ENOX2: variants seen among roughly 807,000 people sequenced by gnomAD.
ENOX2 encodes APK1 antigen.
Under a neutral mutation model 45.0 loss-of-function variants are expected in ENOX2, and 36 were observed. The ratio of observed to expected loss-of-function variants is 0.80; its 90% CI spans 0.61 to 1.06. The LOEUF is 1.06. Ranked by LOEUF, ENOX2 falls within the 50% of genes least tolerant of loss-of-function variation. The probability of loss-of-function intolerance (pLI) is 0.00; values close to 1 mark genes in which losing one functional copy is unlikely to be tolerated. For synonymous variants in ENOX2, 174 were observed against 152.3 expected, an observed-to-expected ratio of 1.14 and a Z score of -1.05; for missense variants, 423 against 462.5, an observed-to-expected ratio of 0.91 and a Z score of 0.78.
intron 10 of ENOX2, chrX:130,645,820 C>T (rs2036218238): frequency 2.7e-6 from 2 of 746,240 alleles, no homozygotes; most frequent in Non-Finnish European, 4.2e-6. Flanking sequence ...TTCCTCAGCA[C>T]CACCTCCAGG....
chrX:130,764,290 T>A (rs1352401112), intron 3 of ENOX2, among the ~76,000 whole-genome samples: 1 of 110,961 alleles, frequency 9.0e-6, no homozygotes, highest in Non-Finnish European at 1.9e-5. Context: ...GTTTCCCGAT[T>A]TGTCTTAAAT....
intron 2 of ENOX2, among the ~76,000 whole-genome samples, chrX:130,798,155 C>T (rs1304726278): frequency 8.9e-6 from 1 of 111,797 alleles, no homozygotes; most frequent in Non-Finnish European, 1.9e-5. Context: ...GTGGCTCACG[C>T]CTGTGATACC....
chrX:130,861,724 G>A (rs1402886431), intron 2 of ENOX2, among the ~76,000 whole-genome samples: 1 of 111,408 alleles, frequency 9.0e-6, no homozygotes, highest in Admixed American at 9.5e-5. Context: ...GTGCCTATAA[G>A]TTAACAATAC....
In ENOX2 at chrX:130,670,037, G is replaced by A. The variant is rs143816261; in HGVS notation, c.622C>T (p.Arg208Cys). 2.0e-4 allele frequency: 242 copies of A among 1,209,330 alleles called. 1 individual carries two copies. In the East Asian group the frequency reaches 6.6e-3, roughly 33 times the overall value. The change falls in exon 7 of 15, where the codon CGT becomes TGT. Residue 208 changes from arginine to cysteine, a missense_variant. By Grantham distance (180) the Arg-to-Cys change is radical. Around this residue, in one of 5 missense-constraint regions of ENOX2, gnomAD observed 261 missense variants for 306.8 expected, o/e 0.85. Coordinates refer to ENST00000394363, the MANE Select transcript of ENOX2 (RefSeq NM_006375.4). ...HRRRMEEERL[R>C]PPSPPPVVHY... ...ACCACTGGGGGTGGAGATGGTGGAC[G>A]CAATCTTTCTTCTTCCATTCTTCTA...
chrX:130,683,170 T>C (rs899078756), intron 5 of ENOX2, among the ~76,000 whole-genome samples: 2 of 111,883 alleles, frequency 1.8e-5, no homozygotes, highest in Non-Finnish European at 3.8e-5. Flanking sequence ...GCAATCTGAG[T>C]CATTGCTGAT....
At chrX:130,793,551 G>T (rs2077075454) in intron 2 of ENOX2, among the ~76,000 whole-genome samples, 1 of 111,438 alleles carries the variant, frequency 9.0e-6, no homozygotes, top group Non-Finnish European at 1.9e-5. Flanking sequence ...GTTCCATCTG[G>T]GTGCTGTACT....
chrX:130,697,783 T>C (rs947743906), intron 4 of ENOX2, among the ~76,000 whole-genome samples: 4 of 112,287 alleles, frequency 3.6e-5, no homozygotes, highest in African/African-American at 1.3e-4. Context: ...CTTTTCCTTT[T>C]CTTTTTAAAT....
At chrX:130,653,447 G>C (rs1404072325) in intron 10 of ENOX2, among the ~76,000 whole-genome samples, 1 of 111,624 alleles carries the variant, frequency 9.0e-6, no homozygotes, top group Admixed American at 9.5e-5. Context: ...ACTCTACTCA[G>C]TCTTTTGTCC....
chrX:130,808,868 C>G (rs923224902), intron 2 of ENOX2, among the ~76,000 whole-genome samples: 7 of 112,418 alleles, frequency 6.2e-5, no homozygotes, highest in Non-Finnish European at 1.1e-4. Flanking sequence ...TTGTCTCTCA[C>G]TTCACAGAAC....
intron 2 of ENOX2, among the ~76,000 whole-genome samples, chrX:130,840,522 A>AAAATAAATAAAT (rs61403363): frequency 4.6e-4 from 47 of 103,219 alleles, no homozygotes; most frequent in African/African-American, 1.3e-3. Flanking sequence ...TCTCTTTTAA[A>AAAATAAATAAAT]AAATAAATAA....
At position 130,623,907 on chromosome X, in the gene ENOX2, A is replaced by T. The variant is rs2147991259; in HGVS notation, c.*1407T>A. 1 of 112,429 alleles carries T rather than the reference A, an allele frequency of 8.9e-6. No homozygotes were observed. The highest frequency in any genetic ancestry group is 1.9e-5 in the Non-Finnish European group (1 of 53,333). 9.3% of individuals were successfully genotyped at this position (112,429 alleles called of 1,213,427 possible). ...TAAAAACAGGACACAAAACTGAGGT[A>T]TAAAAAGGAATATTTATCTTTTAAA... On this transcript the variant is annotated 3_prime_UTR_variant, in exon 15 of 15. Coordinates refer to ENST00000394363, the MANE Select transcript of ENOX2 (RefSeq NM_006375.4).
At chrX:130,841,035 AGTCATGGGCCAT>A (rs2078007471) in intron 2 of ENOX2, among the ~76,000 whole-genome samples, 1 of 111,927 alleles carries the variant, frequency 8.9e-6, no homozygotes, top group East Asian at 2.8e-4. Context: ...CACCATACTG[AGTCATGGGCCAT>A]GTTCTGGATT....
At chrX:130,819,791 C>T (rs1425063030) in intron 2 of ENOX2, among the ~76,000 whole-genome samples, 1 of 111,059 alleles carries the variant, frequency 9.0e-6, no homozygotes, top group Non-Finnish European at 1.9e-5. Flanking sequence ...CAGCAAACCA[C>T]CATGGCACGT....
At chrX:130,696,929 C>A (rs1164663093) in intron 4 of ENOX2, among the ~76,000 whole-genome samples, 1 of 112,169 alleles carries the variant, frequency 8.9e-6, no homozygotes, top group Non-Finnish European at 1.9e-5. Flanking sequence ...CTATGACCTA[C>A]ACACCTGAAT....
intron 3 of ENOX2, among the ~76,000 whole-genome samples, chrX:130,716,512 T>C (rs1451481284): frequency 8.9e-6 from 1 of 111,912 alleles, no homozygotes; most frequent in Non-Finnish European, 1.9e-5. Context: ...AGCTCAATTA[T>C]CCATGACAAG....
chrX:130,833,116 T>G (rs762334515), intron 2 of ENOX2, among the ~76,000 whole-genome samples: 1 of 110,283 alleles, frequency 9.1e-6, no homozygotes, highest in Non-Finnish European at 1.9e-5. Context: ...TTCTTGAGTC[T>G]TAGCATTGCA....
intron 10 of ENOX2, among the ~76,000 whole-genome samples, chrX:130,654,665 G>A (rs1028195854): frequency 8.9e-6 from 1 of 112,123 alleles, no homozygotes; most frequent in Non-Finnish European, 1.9e-5. Context: ...GAATTAAAAT[G>A]AATTGAAACC....
At chrX:130,744,353 A>G (rs1240620777) in intron 3 of ENOX2, among the ~76,000 whole-genome samples, 2 of 111,599 alleles carry the variant, frequency 1.8e-5, no homozygotes, top group Admixed American at 1.9e-4. Flanking sequence ...AGCATTTTGA[A>G]CTCTTCGTAA....
intron 2 of ENOX2, among the ~76,000 whole-genome samples, chrX:130,844,161 T>C (rs756209958): frequency 5.1e-4 from 57 of 112,037 alleles, no homozygotes; most frequent in Non-Finnish European, 8.8e-4. Context: ...CTTTCCACAC[T>C]GTACAACTAA....
Sources: gnomAD v4.1 joint callset for allele counts (sites outside exome capture counted in the v4.1 genomes callset) on GRCh38, gnomAD v4.1.1 for gene constraint, gnomAD v4.1.1 regional missense constraint, MANE v1.5 for transcripts, NCBI Gene and HGNC (gene_info 2026-07-23, HGNC 2026-07-21) for gene names.